The following GALNT13 variants were observed in gnomAD, a reference collection of about 807,000 sequenced individuals.
GALNT13 encodes UDP-GalNAc:polypeptide N-acetylgalactosaminyltransferase 13.
A neutral mutation model predicts 64.2 loss-of-function variants in GALNT13; 28 were observed. The observed-to-expected ratio is 0.44, with a 90% confidence interval of 0.32 to 0.60. The LOEUF is 0.60. Ranked by LOEUF, GALNT13 falls within the 20% of genes least tolerant of loss-of-function variation. The pLI, the probability that GALNT13 is intolerant of heterozygous loss-of-function variation, is 0.05. For missense variants in GALNT13, 577 were observed against 669.8 expected (o/e 0.86, Z 1.53); for synonymous variants, 214 against 224.6 (o/e 0.95, Z 0.42).
Position 154,195,272 on chromosome 2 carries a change from C to T in GALNT13, c.312-46758C>T, listed in dbSNP as rs572353667. 5.3e-5 allele frequency among the ~76,000 whole-genome samples: 8 copies of T among 152,206 alleles called. No individual in the cohort carries two copies. In the East Asian group the frequency reaches 1.5e-3, roughly 29 times the overall value. On this transcript the variant is annotated intron_variant, in intron 4 of 12. Transcript: ENST00000392825. Reference sequence around the variant, plus strand: ...TTTTGTCTTCTGCTGCAGGTTTTGGCCACTACTCTACCTTCATTAAATTTG... The same window carrying T: ...TTTTGTCTTCTGCTGCAGGTTTTGGTCACTACTCTACCTTCATTAAATTTG...
chr2:153,576,319 C>G, the GALNT13 span, among the ~76,000 whole-genome samples: 2 of 152,142 alleles, frequency 1.3e-5, no homozygotes, highest in Non-Finnish European at 2.9e-5. Context: ...CAGTTCAACA[C>G]TAGGACTCAC....
intron 4 of GALNT13, among the ~76,000 whole-genome samples, chr2:154,215,833 A>C (rs554036299): frequency 1.3e-5 from 2 of 152,280 alleles, no homozygotes; most frequent in South Asian, 4.1e-4. Context: ...ATAAATTTAC[A>C]GTGCCTTTTC....
chr2:154,108,932 T>A (rs1436779982), intron 3 of GALNT13, among the ~76,000 whole-genome samples: 1 of 152,144 alleles, frequency 6.6e-6, no homozygotes, highest in Non-Finnish European at 1.5e-5. Context: ...GTTTTAATTA[T>A]CATAGCTCTG....
chr2:153,289,458 C>T, the GALNT13 span, among the ~76,000 whole-genome samples: 3 of 152,120 alleles, frequency 2.0e-5, no homozygotes, highest in Admixed American at 1.3e-4. Flanking sequence ...AAAACTGAGA[C>T]TCAGATGGTT....
chr2:153,169,089 T>C, the GALNT13 span, among the ~76,000 whole-genome samples: 1 of 152,320 alleles, frequency 6.6e-6, no homozygotes, highest in Admixed American at 6.5e-5. Context: ...TTGCTTCCTT[T>C]GTATCAGGAA....
the GALNT13 span, among the ~76,000 whole-genome samples, chr2:153,734,089 A>T: frequency 6.6e-6 from 1 of 152,092 alleles, no homozygotes. Context: ...TGACTGCCCT[A>T]AGGTCAGAAG....
At chr2:153,304,723 TAAAA>T in the GALNT13 span, among the ~76,000 whole-genome samples, 1 of 152,022 alleles carries the variant, frequency 6.6e-6, no homozygotes. Flanking sequence ...GCTGGGCAAA[TAAAA>T]AATAAATAAA....
At chr2:153,388,444 A>G in the GALNT13 span, among the ~76,000 whole-genome samples, 4 of 152,076 alleles carry the variant, frequency 2.6e-5, no homozygotes, top group Non-Finnish European at 4.4e-5. Flanking sequence ...CTGGCCTCAC[A>G]TGACTAGTGA....
At chr2:154,201,391 A>G (rs1488010645) in intron 4 of GALNT13, among the ~76,000 whole-genome samples, 1 of 152,120 alleles carries the variant, frequency 6.6e-6, no homozygotes, top group African/African-American at 2.4e-5. Context: ...AAACTCTGAG[A>G]CCAACGCATC....
chr2:153,920,350 T>A (rs1485424584), intron 2 of GALNT13, among the ~76,000 whole-genome samples: 1 of 152,078 alleles, frequency 6.6e-6, no homozygotes, highest in South Asian at 2.1e-4. Flanking sequence ...CCATCTGATC[T>A]TCCACAAAGC....
At chr2:153,398,084 C>G in the GALNT13 span, among the ~76,000 whole-genome samples, 1 of 147,088 alleles carries the variant, frequency 6.8e-6, no homozygotes, top group African/African-American at 2.5e-5. Flanking sequence ...CCCCCTACCC[C>G]ACAACAGTCC....
chr2:153,502,334 C>T, the GALNT13 span, among the ~76,000 whole-genome samples: 1 of 152,192 alleles, frequency 6.6e-6, no homozygotes, highest in Non-Finnish European at 1.5e-5. Flanking sequence ...TGAGAACATG[C>T]AATGTTTGGT....
chr2:153,215,224 C>T, the GALNT13 span, among the ~76,000 whole-genome samples: 6 of 152,036 alleles, frequency 3.9e-5, no homozygotes, highest in Admixed American at 6.6e-5. Flanking sequence ...CCACTAAATT[C>T]TCATTGTTCT....
the GALNT13 span, among the ~76,000 whole-genome samples, chr2:153,171,104 A>G: frequency 6.6e-6 from 1 of 152,194 alleles, no homozygotes; most frequent in East Asian, 1.9e-4. Context: ...CTTAAGGGAG[A>G]TATACTCCTG....
At chr2:153,430,745 T>C in the GALNT13 span, among the ~76,000 whole-genome samples, 1 of 151,988 alleles carries the variant, frequency 6.6e-6, no homozygotes, top group Non-Finnish European at 1.5e-5. Context: ...CTGCTTGAGC[T>C]ACTCATTTAA....
At chr2:153,886,983 A>C (rs1466183505) in intron 1 of GALNT13, among the ~76,000 whole-genome samples, 1 of 151,970 alleles carries the variant, frequency 6.6e-6, no homozygotes, top group Non-Finnish European at 1.5e-5. Context: ...TCTTATATCT[A>C]ATTACTAGAA....
the GALNT13 span, among the ~76,000 whole-genome samples, chr2:153,839,639 T>C: frequency 4.1e-4 from 62 of 152,028 alleles, no homozygotes; most frequent in African/African-American, 1.3e-3. Flanking sequence ...ATTTCTGAAG[T>C]GGAAATCCAT....
chr2:153,609,183 C>T, the GALNT13 span, among the ~76,000 whole-genome samples: 1 of 152,054 alleles, frequency 6.6e-6, no homozygotes, highest in Admixed American at 6.6e-5. Flanking sequence ...CCTGCCTCAG[C>T]CCCCCAAAGT....
chr2:153,868,305 G>T (rs12693841), upstream of GALNT13, among the ~76,000 whole-genome samples: 125,094 of 152,108 alleles, frequency 0.82, 52,667 homozygotes, highest in Non-Finnish European at 0.9. Context: ...TTAGCTCATT[G>T]TAAGTACAAA....
Sources: allele counts gnomAD v4.1 joint callset (sites outside exome capture counted in the v4.1 genomes callset), GRCh38; gene constraint gnomAD v4.1.1; transcripts MANE v1.5; gene names NCBI Gene and HGNC (gene_info 2026-07-23, HGNC 2026-07-21).